Variants in MTHFD1L observed in about 807,000 individuals in gnomAD.
MTHFD1L encodes the protein monofunctional C1-tetrahydrofolate synthase, mitochondrial.
In MTHFD1L, 81 loss-of-function variants were observed where a neutral mutation model predicts 119.5. That is an observed-to-expected ratio of 0.68 (90% CI 0.57 to 0.82). The LOEUF is 0.82. Ranked by LOEUF, MTHFD1L falls within the 40% of genes least tolerant of loss-of-function variation. MTHFD1L has a pLI of 0.00. For missense variants in MTHFD1L, 1,125 were observed against 1,253.4 expected (o/e 0.90, Z 1.55); for synonymous variants, 430 against 475.2 (o/e 0.90, Z 1.24).
intron 13 of MTHFD1L, among the ~76,000 whole-genome samples, chr6:150,940,138 G>A (rs960436983): frequency 1.3e-5 from 2 of 152,080 alleles, no homozygotes; most frequent in South Asian, 4.2e-4. Context: ...CGGCTATCTG[G>A]TTCAGTTGGC....
At chr6:150,903,979 C>T (rs1351277239) in intron 7 of MTHFD1L, among the ~76,000 whole-genome samples, 2 of 152,158 alleles carry the variant, frequency 1.3e-5, no homozygotes, top group Admixed American at 6.5e-5. Flanking sequence ...TCGTGCTCCT[C>T]CTCTGTCAGG....
intron 1 of MTHFD1L, among the ~76,000 whole-genome samples, chr6:150,869,587 G>C: frequency 6.6e-6 from 1 of 151,824 alleles, no homozygotes; most frequent in East Asian, 2.0e-4. Flanking sequence ...AAACTCCTGG[G>C]TTCAAGTGAT....
At chr6:150,983,472 C>T (rs1448592010) in intron 20 of MTHFD1L, among the ~76,000 whole-genome samples, 1 of 152,158 alleles carries the variant, frequency 6.6e-6, no homozygotes, top group African/African-American at 2.4e-5. Context: ...ATGAAAAGGG[C>T]CAGCTGGCCT....
chr6:150,913,144 A>C (rs540315278), intron 8 of MTHFD1L, among the ~76,000 whole-genome samples: 4 of 151,690 alleles, frequency 2.6e-5, no homozygotes, highest in African/African-American at 9.7e-5. Context: ...GGGACTACAG[A>C]CATATGCCAC....
At chr6:150,925,710 C>T (rs1451879782) in intron 10 of MTHFD1L, among the ~76,000 whole-genome samples, 1 of 151,778 alleles carries the variant, frequency 6.6e-6, no homozygotes, top group African/African-American at 2.4e-5. Context: ...CCAAGAGAAA[C>T]ATGTGGCCAG....
chr6:151,005,956 G>A (rs1781326931), intron 20 of MTHFD1L, among the ~76,000 whole-genome samples: 1 of 152,148 alleles, frequency 6.6e-6, no homozygotes, highest in Non-Finnish European at 1.5e-5. Context: ...GTACTTCTAT[G>A]TAATGCTATT....
At chr6:150,945,900 G>A (rs1341394601) in intron 15 of MTHFD1L, among the ~76,000 whole-genome samples, 1 of 152,168 alleles carries the variant, frequency 6.6e-6, no homozygotes, top group Non-Finnish European at 1.5e-5. Flanking sequence ...TGATGCTGAT[G>A]TGAGAGGTTT....
At chr6:151,014,619 G>GCC (rs1271762132) in intron 22 of MTHFD1L, among the ~76,000 whole-genome samples, 1 of 152,236 alleles carries the variant, frequency 6.6e-6, no homozygotes, top group African/African-American at 2.4e-5. Context: ...CAGAGCATGG[G>GCC]CGCATTGCAT....
Position 150,889,807 on chromosome 6 carries a change from G to A in MTHFD1L, c.780+1826G>A, listed in dbSNP as rs145232560. ...AGTTTAAATTTGAAATAGGCATTTC[G>A]GAAAGCAGTTTAATGGAGTTTGAGC... On this transcript the variant is annotated intron_variant, in intron 7 of 27. Transcript: ENST00000367321. 4.7e-3 allele frequency among the ~76,000 whole-genome samples: 712 copies of A among 152,232 alleles called. 5 individuals carry two copies. The highest frequency in any genetic ancestry group is 0.016 in the African/African-American group (683 of 41,524).
intron 24 of MTHFD1L, among the ~76,000 whole-genome samples, chr6:151,024,359 G>A (rs145010797): frequency 3.9e-3 from 592 of 152,198 alleles, no homozygotes; most frequent in African/African-American, 0.013. Flanking sequence ...GGGTGACATG[G>A]CAGATCCTGT....
At position 151,039,322 on chromosome 6, in the gene MTHFD1L, G is replaced by T. The variant is rs1786678989; in HGVS notation, c.2847+2205G>T. 6.6e-6 allele frequency among the ~76,000 whole-genome samples: 1 copy of T among 152,174 alleles called. No homozygotes were observed. Among genetic ancestry groups the T allele is most frequent in the African/African-American group, 2.4e-5 (1 of 41,444 alleles). ...TTCAGATCAGTGGTTGCCAGGAGTT[G>T]GGGGAGGGGAAGCGTTTGACTGCAG... On this transcript the variant is annotated intron_variant, in intron 26 of 27. Coordinates refer to ENST00000367321, the MANE Select transcript of MTHFD1L (RefSeq NM_015440.5). The surrounding 1 kb of genome is among the most constrained non-coding windows in gnomAD (Gnocchi z 4.4).
In MTHFD1L at chr6:151,094,359, CTTG is replaced by C. The variant is rs571984995; in HGVS notation, c.*31+1790_*31+1792del. Among the ~76,000 whole-genome samples, 561 of 152,038 alleles carry C rather than the reference CTTG, an allele frequency of 3.7e-3. 9 individuals carry two copies. The highest frequency in any genetic ancestry group is 0.013 in the African/African-American group (524 of 41,498). On this transcript the variant is annotated intron_variant, in intron 27 of 27. Transcript: ENST00000367321. ...TCACTACCAGGAGTCCACTTGAGGA[CTTG>C]TTGTTGTTGTTGTTGTTTGAGACAG... is the stretch of plus-strand genomic sequence containing the variant.
rs554889943 is a variant in MTHFD1L, at chr6:151,046,520, C to T, written c.2847+9403C>T. ...ATATATATATATATATATATAGACT[C>T]ATTTTTCTTCCACTTTCATCTACAG... On this transcript the variant is annotated intron_variant, in intron 26 of 27. Transcript: ENST00000367321. Among the ~76,000 whole-genome samples, 9 of 115,160 alleles carry T rather than the reference C, an allele frequency of 7.8e-5. No individual in the cohort carries two copies. The South Asian group carries it at 1.4e-3, about 18-fold the overall frequency. The allele number at this position is 115,160 out of a possible 152,430, so 75.5% of individuals were successfully genotyped here. A position where few individuals can be genotyped will look rare whatever the true frequency, so the allele number is the denominator to read the frequency against.
intron 14 of MTHFD1L, 124 bp downstream of exon 14, chr6:150,944,717 G>A: frequency 1.4e-6 from 1 of 704,558 alleles, no homozygotes; most frequent in Non-Finnish European, 2.4e-6. Context: ...TCAATTTTGT[G>A]ATTTTTACAT....
At chr6:150,921,261 A>G (rs1360283444) in intron 9 of MTHFD1L, among the ~76,000 whole-genome samples, 1 of 152,124 alleles carries the variant, frequency 6.6e-6, no homozygotes, top group Middle Eastern at 3.2e-3. Context: ...CTGGGATTAC[A>G]GGCGTGTGCC....
intron 26 of MTHFD1L, among the ~76,000 whole-genome samples, chr6:151,040,384 C>G (rs536688560): frequency 6.6e-6 from 1 of 152,292 alleles, no homozygotes; most frequent in South Asian, 2.1e-4. Context: ...TTAACTGAAA[C>G]CTTAATTCAC....
intron 1 of MTHFD1L, 55 bp downstream of exon 1, chr6:150,866,104 AG>A (rs1778249487): frequency 6.8e-7 from 1 of 1,470,114 alleles, no homozygotes; most frequent in Non-Finnish European, 8.9e-7. Context: ...GCCCCGACCC[AG>A]GGGCGGAGCG....
In MTHFD1L at chr6:151,101,603, A is replaced by G. The variant is rs1347848149; in HGVS notation, c.*109A>G. The G allele has an allele frequency of 2.6e-5, 4 of 152,622 alleles. No homozygotes were observed. The highest frequency in any genetic ancestry group is 2.1e-4 in the South Asian group (1 of 4,834). The allele number at this position is 152,622 out of a possible 1,614,324, so 9.5% of individuals were successfully genotyped here. ...GAATTTGAAAAATGTCTGTTATGCA[A>G]TGCTGGAGACATGGTGAAATAGGCC... On this transcript the variant is annotated 3_prime_UTR_variant, in exon 28 of 28. Transcript: ENST00000367321.
chr6:151,005,984 T>C (rs1441827312), intron 20 of MTHFD1L, among the ~76,000 whole-genome samples: 5 of 152,164 alleles, frequency 3.3e-5, no homozygotes, highest in Non-Finnish European at 7.3e-5. Context: ...TCTATTTCCA[T>C]TGAAGTGTGG....
Sources: allele counts gnomAD v4.1 joint callset (sites outside exome capture counted in the v4.1 genomes callset), GRCh38; gene constraint gnomAD v4.1.1; non-coding constraint Gnocchi (gnomAD v3.1); transcripts MANE v1.5; gene names NCBI Gene and HGNC (gene_info 2026-07-23, HGNC 2026-07-21).